RAPGEF5: variants seen among roughly 807,000 people sequenced by gnomAD.
RAPGEF5 encodes the protein M-Ras-regulated GEF.
A neutral mutation model predicts 125.2 loss-of-function variants in RAPGEF5; 65 were observed. The ratio of observed to expected loss-of-function variants is 0.52; its 90% CI spans 0.43 to 0.64. The LOEUF (loss-of-function observed/expected upper bound fraction) is 0.64, where lower values mean the gene tolerates loss of function less well. Among genes scored for constraint, RAPGEF5 ranks in the 30% least tolerant of loss-of-function variants. The pLI is 0.00. For missense variants in RAPGEF5, 958 were observed against 1,048.1 expected (o/e 0.91, Z 1.19); for synonymous variants, 391 against 385.9 (o/e 1.01, Z -0.16).
At chr7:22,240,773 G>T (rs1302219860) in intron 7 of RAPGEF5, among the ~76,000 whole-genome samples, 1 of 152,038 alleles carries the variant, frequency 6.6e-6, no homozygotes. Context: ...GAGCAGCAAC[G>T]ATTCCTAGAT....
In RAPGEF5 at chr7:22,131,036, C is replaced by T. The variant is rs1447641497; in HGVS notation, c.2481+1G>A. ...AGGGAGAAGTAATGAAATTTACGTA[C>T]CAGCTTTTCAAAATTGACAAGATTA... On this transcript the variant is annotated splice_donor_variant, in intron 24 of 25. Coordinates refer to ENST00000665637, the MANE Select transcript of RAPGEF5 (RefSeq NM_012294.5). LOFTEE classifies it high-confidence loss of function. The T allele has an allele frequency of 1.3e-6, 2 of 1,541,206 alleles. No homozygotes were observed. Among genetic ancestry groups the T allele is most frequent in the Non-Finnish European group, 1.8e-6 (2 of 1,142,034 alleles).
intron 6 of RAPGEF5, among the ~76,000 whole-genome samples, chr7:22,281,892 A>T (rs1044799354): frequency 6.6e-6 from 1 of 152,066 alleles, no homozygotes; most frequent in Admixed American, 6.6e-5. Flanking sequence ...GCAATTCTAG[A>T]CCTTAGTAGA....
In RAPGEF5 at chr7:22,356,966, A is replaced by C; in HGVS notation, c.95T>G (p.Leu32Arg). ...CTCCCGGGCGCTGGGGCTGCGGCGC[A>C]GGGGGCCGTCTGCCGCCACCACCGC... ...AAAVVAADGP[L>R]RRSPSAREPE... The change falls in exon 1 of 26, where the codon CTG becomes CGG. Residue 32 changes from leucine (L) to arginine (R), a missense_variant. Coordinates refer to ENST00000665637, the MANE Select transcript of RAPGEF5 (RefSeq NM_012294.5). The C allele has an allele frequency of 9.7e-7, 1 of 1,033,030 alleles. No homozygotes were observed. The highest frequency in any genetic ancestry group is 1.2e-6 in the Non-Finnish European group (1 of 863,314). The allele number at this position is 1,033,030 out of a possible 1,614,324, so 64.0% of individuals were successfully genotyped here. A position where few individuals can be genotyped will look rare whatever the true frequency, so the allele number is the denominator to read the frequency against.
At chr7:22,137,012 A>T in intron 21 of RAPGEF5, 29 bp from the exon 22 acceptor site, 2 of 1,501,504 alleles carry the variant, frequency 1.3e-6, no homozygotes, top group Non-Finnish European at 1.8e-6. Context: ...CAAAAAACAG[A>T]AGGTCACAGA....
intron 3 of RAPGEF5, among the ~76,000 whole-genome samples, chr7:22,315,020 A>T (rs1194257011): frequency 6.6e-6 from 1 of 152,114 alleles, no homozygotes; most frequent in Non-Finnish European, 1.5e-5. Context: ...GGCCTCAATA[A>T]GGCCCCTAAA....
intron 1 of RAPGEF5, among the ~76,000 whole-genome samples, chr7:22,319,831 C>G (rs992049589): frequency 2.0e-5 from 3 of 151,446 alleles, no homozygotes; most frequent in African/African-American, 7.3e-5. Flanking sequence ...AAAGAAAAAG[C>G]TTTTAAGCAG....
chr7:22,207,128 C>A (rs535838193), intron 9 of RAPGEF5, among the ~76,000 whole-genome samples: 163 of 152,292 alleles, frequency 1.1e-3, no homozygotes, highest in Non-Finnish European at 1.5e-3. Flanking sequence ...ATAGTTTCTC[C>A]TACTCAAAAT....
At chr7:22,343,055 T>C (rs925971266) in intron 1 of RAPGEF5, among the ~76,000 whole-genome samples, 1 of 152,192 alleles carries the variant, frequency 6.6e-6, no homozygotes, top group Admixed American at 6.5e-5. Flanking sequence ...TACCCTGGAC[T>C]GGGCAATTTA....
intron 8 of RAPGEF5, among the ~76,000 whole-genome samples, chr7:22,225,452 T>C (rs990772171): frequency 6.6e-6 from 1 of 152,172 alleles, no homozygotes; most frequent in African/African-American, 2.4e-5. Context: ...TCAAAAAAGA[T>C]TTTCAAGGAG....
intron 5 of RAPGEF5, among the ~76,000 whole-genome samples, chr7:22,302,774 A>G (rs1053453930): frequency 1.3e-5 from 1 of 77,286 alleles, no homozygotes; most frequent in Non-Finnish European, 2.7e-5. Flanking sequence ...CCCCCACCCC[A>G]CCCCCGCCTT....
At chr7:22,128,889 ATAT>A (rs1230790242) in intron 24 of RAPGEF5, among the ~76,000 whole-genome samples, 7 of 152,238 alleles carry the variant, frequency 4.6e-5, no homozygotes, top group Non-Finnish European at 8.8e-5. Flanking sequence ...GGAATTTAAA[ATAT>A]TATTTATGCC....
In RAPGEF5 at chr7:22,286,486, T is replaced by TA. The variant is rs34897468; in HGVS notation, c.747+4688dup. The stretch of plus-strand genomic sequence containing the variant: ...AATTTCCAACATAAAAACTTAGCCT[T>TA]AAAAAACAGAAACAACCTAATAGGT... On this transcript the variant is annotated intron_variant, in intron 6 of 25. Transcript: ENST00000665637. Among the ~76,000 whole-genome samples, 14 of 152,346 alleles carry TA rather than the reference T, an allele frequency of 9.2e-5. No homozygotes were observed. The East Asian group carries it at 2.7e-3, about 29-fold the overall frequency.
chr7:22,326,940 A>T (rs1282077243), intron 1 of RAPGEF5, among the ~76,000 whole-genome samples: 1 of 152,202 alleles, frequency 6.6e-6, no homozygotes, highest in East Asian at 1.9e-4. Context: ...GGTTCGTGGC[A>T]AAGTTTATTT....
At position 22,291,189 on chromosome 7, in the gene RAPGEF5, G is replaced by A. The variant is rs755272852; in HGVS notation, c.733C>T (p.Arg245Cys). ...CATGGTCTTACCGCAGATGTTAGAC[G>A]CACAAGAATTTCATCACTGCTTTCT... is the stretch of plus-strand genomic sequence containing the variant. ...SEESSDEILV[R>C]LTSAVQRELA... The change falls in exon 6 of 26, where the codon CGT becomes TGT. Residue 245 changes from arginine to cysteine, a missense_variant. Physicochemically the swap from Arg to Cys is radical, Grantham distance 180. Coordinates refer to ENST00000665637, the MANE Select transcript of RAPGEF5 (RefSeq NM_012294.5). The A allele has an allele frequency of 1.0e-5, 16 of 1,588,090 alleles. No homozygotes were observed. The highest frequency in any genetic ancestry group is 3.3e-4 in the Middle Eastern group (2 of 6,028).
At chr7:22,183,604 A>T (rs1226872582) in intron 11 of RAPGEF5, among the ~76,000 whole-genome samples, 1 of 152,226 alleles carries the variant, frequency 6.6e-6, no homozygotes, top group Non-Finnish European at 1.5e-5. Flanking sequence ...TGAATAAAGT[A>T]GAAAGTCCAC....
At chr7:22,137,793 G>A (rs1310351016) in intron 21 of RAPGEF5, among the ~76,000 whole-genome samples, 1 of 152,038 alleles carries the variant, frequency 6.6e-6, no homozygotes, top group Non-Finnish European at 1.5e-5. Context: ...GTCCTTGGCT[G>A]GTACTTAACA....
At chr7:22,199,371 A>G (rs755142289) in intron 9 of RAPGEF5, among the ~76,000 whole-genome samples, 6 of 152,094 alleles carry the variant, frequency 3.9e-5, no homozygotes, top group Non-Finnish European at 5.9e-5. Context: ...ACCTATGTCT[A>G]TGCAACTTGG....
chr7:22,230,032 C>G (rs941540375), intron 8 of RAPGEF5, among the ~76,000 whole-genome samples: 2 of 152,046 alleles, frequency 1.3e-5, no homozygotes, highest in Non-Finnish European at 2.9e-5. Context: ...AGACATTTAC[C>G]CATAGAATAA....
At chr7:22,215,898 C>G (rs939621133) in intron 9 of RAPGEF5, among the ~76,000 whole-genome samples, 3 of 152,196 alleles carry the variant, frequency 2.0e-5, no homozygotes, top group African/African-American at 7.2e-5. Flanking sequence ...ATCTCAGCTA[C>G]CTGAAGCAAA....
Sources: gnomAD v4.1 joint callset for allele counts (sites outside exome capture counted in the v4.1 genomes callset) on GRCh38, gnomAD v4.1.1 for gene constraint, MANE v1.5 for transcripts, NCBI Gene and HGNC (gene_info 2026-07-23, HGNC 2026-07-21) for gene names.